MSI2: variants seen among roughly 807,000 people sequenced by gnomAD.
MSI2 encodes the protein musashi RNA binding protein 2.
A neutral mutation model predicts 45.6 loss-of-function variants in MSI2; 17 were observed. The observed-to-expected ratio is 0.37, with a 90% CI of 0.26 to 0.56. MSI2 has a LOEUF of 0.56. Among genes scored for constraint, MSI2 ranks in the 20% least tolerant of loss-of-function variants. MSI2 has a pLI of 0.77. For missense variants in MSI2, 293 were observed against 444.2 expected (o/e 0.66, Z 3.06); for synonymous variants, 156 against 158.2 (o/e 0.99, Z 0.11).
chr17:57,383,838 A>G (rs2083640466), intron 5 of MSI2, among the ~76,000 whole-genome samples: 1 of 152,212 alleles, frequency 6.6e-6, no homozygotes, highest in African/African-American at 2.4e-5. Context: ...TTTACCCCCA[A>G]TGAATACAAC....
chr17:57,603,430 T>C (rs1906144562), intron 8 of MSI2, among the ~76,000 whole-genome samples: 1 of 152,276 alleles, frequency 6.6e-6, no homozygotes, highest in Middle Eastern at 3.4e-3. Context: ...CACAGGCGAG[T>C]GCCCTACCTG....
At chr17:57,358,204 G>T (rs4794724) in intron 5 of MSI2, among the ~76,000 whole-genome samples, 23,414 of 72,362 alleles carry the variant, frequency 0.32, 1,946 homozygotes, top group Middle Eastern at 0.37. Context: ...TGTGTGGGGG[G>T]GTGTGTGTGT....
rs114540372 is a variant in MSI2, at chr17:57,524,318, C to T, written c.406-5358C>T. On this transcript the variant is annotated intron_variant, in intron 6 of 13. Transcript: ENST00000284073. ...CTCCACCTCTTTGGGGGAGAAGGACCGCAAACTCACAGAGGAACGGGTGTG... is the reference window on the plus strand; with the variant it reads ...CTCCACCTCTTTGGGGGAGAAGGACTGCAAACTCACAGAGGAACGGGTGTG... Among the ~76,000 whole-genome samples, 532 of 152,342 alleles carry T rather than the reference C, an allele frequency of 3.5e-3. 5 individuals carry two copies. Among genetic ancestry groups the T allele is most frequent in the African/African-American group, 0.012 (481 of 41,576 alleles).
chr17:57,519,393 GC>G (rs1258736215), intron 6 of MSI2, among the ~76,000 whole-genome samples: 1 of 152,108 alleles, frequency 6.6e-6, no homozygotes, highest in African/African-American at 2.4e-5. Context: ...ACTCCAGGAA[GC>G]AAGACACACT....
chr17:57,570,989 G>A (rs1207392034), intron 7 of MSI2, among the ~76,000 whole-genome samples: 1 of 152,176 alleles, frequency 6.6e-6, no homozygotes, highest in Non-Finnish European at 1.5e-5. Context: ...CTGCAGATTT[G>A]AGCAAAGCCT....
At chr17:57,524,729 C>T (rs964007178) in intron 6 of MSI2, among the ~76,000 whole-genome samples, 3 of 152,152 alleles carry the variant, frequency 2.0e-5, no homozygotes, top group Admixed American at 6.5e-5. Context: ...AGAATATAAA[C>T]ATCTGAGAGA....
At chr17:57,392,053 C>G (rs543093979) in intron 5 of MSI2, among the ~76,000 whole-genome samples, 4 of 152,366 alleles carry the variant, frequency 2.6e-5, no homozygotes, top group African/African-American at 9.6e-5. Flanking sequence ...AGATGCAGAG[C>G]AGCCTGGGTG....
intron 7 of MSI2, among the ~76,000 whole-genome samples, chr17:57,564,084 C>G (rs942944692): frequency 1.3e-5 from 2 of 152,230 alleles, no homozygotes; most frequent in Non-Finnish European, 2.9e-5. Flanking sequence ...TACTGTTGTG[C>G]TCAAGACACA....
intron 5 of MSI2, among the ~76,000 whole-genome samples, chr17:57,321,716 G>A (rs1454622229): frequency 1.3e-5 from 2 of 152,160 alleles, no homozygotes; most frequent in African/African-American, 2.4e-5. Context: ...GCTGTTGGAT[G>A]TTCTTATTTT....
chr17:57,678,835 C>T (rs11079323), intron 13 of MSI2, among the ~76,000 whole-genome samples: 47,168 of 152,120 alleles, frequency 0.31, 7,470 homozygotes, highest in Non-Finnish European at 0.35. Flanking sequence ...GATGGCTGCA[C>T]CCGCAGCACT....
At chr17:57,414,765 G>A (rs1323271720) in intron 6 of MSI2, among the ~76,000 whole-genome samples, 1 of 152,080 alleles carries the variant, frequency 6.6e-6, no homozygotes, top group Non-Finnish European at 1.5e-5. Flanking sequence ...ATTTCCTTAT[G>A]TGAAACCCAT....
intron 5 of MSI2, among the ~76,000 whole-genome samples, chr17:57,355,974 G>A (rs1305923340): frequency 6.6e-6 from 1 of 152,216 alleles, no homozygotes; most frequent in Admixed American, 6.5e-5. Flanking sequence ...CCGGGTTCAA[G>A]CAATTCTCCC....
At chr17:57,619,460 A>T (rs956925521) in intron 9 of MSI2, among the ~76,000 whole-genome samples, 1 of 152,230 alleles carries the variant, frequency 6.6e-6, no homozygotes, top group Non-Finnish European at 1.5e-5. Context: ...AGTGGAAGCC[A>T]GTCTTAGGAA....
intron 7 of MSI2, among the ~76,000 whole-genome samples, chr17:57,575,960 A>AAAAGAAAG (rs2088033353): frequency 6.8e-6 from 1 of 146,420 alleles, no homozygotes; most frequent in Non-Finnish European, 1.5e-5. Flanking sequence ...AAAAAAAAAA[A>AAAAGAAAG]AAAAAAAAAA....
At chr17:57,530,400 C>T (rs551859932) in intron 7 of MSI2, among the ~76,000 whole-genome samples, 1 of 152,272 alleles carries the variant, frequency 6.6e-6, no homozygotes, top group African/African-American at 2.4e-5. Flanking sequence ...GGTCTCTGGC[C>T]CTGCCCTTAG....
At chr17:57,677,424 G>T (rs1271805734) in intron 13 of MSI2, among the ~76,000 whole-genome samples, 3 of 152,182 alleles carry the variant, frequency 2.0e-5, no homozygotes, top group Admixed American at 6.5e-5. Context: ...GGGGATAGAG[G>T]CAGGGAAGCA....
At chr17:57,634,231 C>T (rs1598477755) in intron 10 of MSI2, among the ~76,000 whole-genome samples, 2 of 152,118 alleles carry the variant, frequency 1.3e-5, no homozygotes, top group South Asian at 2.1e-4. Context: ...TTGGGGAGGT[C>T]GAGGCCGGTG....
At chr17:57,356,402 A>C (rs959868153) in intron 5 of MSI2, among the ~76,000 whole-genome samples, 2 of 152,182 alleles carry the variant, frequency 1.3e-5, no homozygotes, top group Non-Finnish European at 2.9e-5. Flanking sequence ...CCAGACTAAG[A>C]CAAGTTGTGT....
intron 6 of MSI2, among the ~76,000 whole-genome samples, chr17:57,526,375 G>C (rs981872475): frequency 1.2e-5 from 1 of 86,230 alleles, no homozygotes; most frequent in Non-Finnish European, 2.2e-5. Flanking sequence ...GTGTGTGTGT[G>C]TGTGTGTGTG....
Sources: allele counts gnomAD v4.1 joint callset (sites outside exome capture counted in the v4.1 genomes callset), GRCh38; gene constraint gnomAD v4.1.1; transcripts MANE v1.5; gene names NCBI Gene and HGNC (gene_info 2026-07-23, HGNC 2026-07-21).